Variants in GAREM2 observed in about 807,000 individuals in gnomAD.
GAREM2 encodes the protein GRB2 associated regulator of MAPK1 subtype 2.
A neutral mutation model predicts 55.6 loss-of-function variants in GAREM2; 30 were observed. The ratio of observed to expected loss-of-function variants is 0.54; its 90% CI spans 0.40 to 0.73. The LOEUF is 0.73. GAREM2 is among the 30% of genes least tolerant of loss of function. The pLI is 0.00. For missense variants in GAREM2, 1,075 were observed against 1,257.7 expected, an observed-to-expected ratio of 0.85 and a Z score of 2.20; for synonymous variants, 550 against 569.1, an observed-to-expected ratio of 0.97 and a Z score of 0.48.
the GAREM2 span, chr2:26,197,799 C>T: frequency 1.7e-6 from 2 of 1,198,358 alleles, no homozygotes; most frequent in South Asian, 1.2e-5. Context: ...AAGCATTTAA[C>T]AATGTGTCAG....
Position 26,188,103 on chromosome 2 carries a change from CAG to C in GAREM2, c.2474_2475del (p.Glu825GlyfsTer14), listed in dbSNP as rs1399545620. On this transcript the variant is annotated frameshift_variant, in exon 6 of 6. Coordinates refer to ENST00000401533, the MANE Select transcript of GAREM2 (RefSeq NM_001168241.2). LOFTEE classifies it high-confidence loss of function. ...CGCAGTCTGCGTTTCATCGGGCTCT[CAG>C]AGGATGTGGTGAGCTTCTTTGCCCG... The C allele has an allele frequency of 6.4e-7, 1 of 1,551,072 alleles. No individual in the cohort carries two copies. The highest frequency in any genetic ancestry group is 8.7e-7 in the Non-Finnish European group (1 of 1,146,610).
At chr2:26,177,679 A>G (rs1668905443) in intron 2 of GAREM2, among the ~76,000 whole-genome samples, 1 of 151,946 alleles carries the variant, frequency 6.6e-6, no homozygotes, top group Non-Finnish European at 1.5e-5. Context: ...TCTGTTGCTC[A>G]GGCTGGAGAG....
the GAREM2 span, chr2:26,204,278 A>T: frequency 8.2e-7 from 1 of 1,221,534 alleles, no homozygotes; most frequent in Non-Finnish European, 1.2e-6. Flanking sequence ...AAGTTATTCA[A>T]TAAACCAACT....
chr2:26,201,414 A>G, the GAREM2 span: 546 of 828,754 alleles, frequency 6.6e-4, 8 homozygotes, highest in South Asian at 5.3e-3. Flanking sequence ...TTTTTCACCA[A>G]CTCTGTGAGG....
chr2:26,190,973 G>A (rs1669478565), downstream of GAREM2: 1 of 544,148 alleles, frequency 1.8e-6, no homozygotes, highest in Non-Finnish European at 3.3e-6. Context: ...AGGCAGAGAG[G>A]TGGCTTCAGA....
intron 2 of GAREM2, among the ~76,000 whole-genome samples, chr2:26,177,322 C>T (rs1357490323): frequency 6.6e-6 from 1 of 152,154 alleles, no homozygotes; most frequent in Non-Finnish European, 1.5e-5. Flanking sequence ...AGAGACGTCC[C>T]CGTGTGAGCC....
Position 26,174,693 on chromosome 2 carries a change from A to G in GAREM2, c.112+1361A>G, listed in dbSNP as rs1023968232. Among the ~76,000 whole-genome samples, 9 of 152,324 alleles carry G rather than the reference A, an allele frequency of 5.9e-5. No homozygotes were observed. The East Asian group carries it at 1.3e-3, about 23-fold the overall frequency. On this transcript the variant is annotated intron_variant, in intron 1 of 5. Transcript: ENST00000401533. ...CTGTTGTGTGTGACAGTGTGTGGCTATGGCTGGGTCACCATCAGGGTGTGA... is the reference window on the plus strand; with the variant it reads ...CTGTTGTGTGTGACAGTGTGTGGCTGTGGCTGGGTCACCATCAGGGTGTGA...
At chr2:26,191,420 TGAA>T (rs1302856411), downstream of GAREM2, 3 of 1,614,164 alleles carry the variant, frequency 1.9e-6, no homozygotes, top group Non-Finnish European at 2.5e-6. Context: ...AGGACTTCGT[TGAA>T]GGAGACGCAA....
Position 26,186,532 on chromosome 2 carries a change from G to T in GAREM2, c.1598+174G>T, listed in dbSNP as rs533418270. Among the ~76,000 whole-genome samples the T allele has an allele frequency of 2.0e-4, 30 of 152,260 alleles. 1 individual carries two copies. The South Asian group carries it at 5.8e-3, about 29-fold the overall frequency. On this transcript the variant is annotated intron_variant, in intron 5 of 5. Coordinates refer to ENST00000401533, the MANE Select transcript of GAREM2 (RefSeq NM_001168241.2). ...TTGGCACTGCTGTCTGGGTGTCTTG[G>T]GGCCTGGGGCCCAGTGGCCTGTTCT...
the GAREM2 span, chr2:26,194,964 C>T: frequency 9.1e-6 from 8 of 882,832 alleles, no homozygotes; most frequent in East Asian, 7.2e-5. Flanking sequence ...ATCCTGGAGA[C>T]AACCCAGGGG....
chr2:26,173,784 G>A (rs1309334482), intron 1 of GAREM2, among the ~76,000 whole-genome samples: 1 of 152,182 alleles, frequency 6.6e-6, no homozygotes, highest in Non-Finnish European at 1.5e-5. Context: ...CCGCCCCTCT[G>A]GGGACCCTTC....
At chr2:26,196,633 A>G in the GAREM2 span, among the ~76,000 whole-genome samples, 1 of 152,098 alleles carries the variant, frequency 6.6e-6, no homozygotes, top group Non-Finnish European at 1.5e-5. Context: ...TGGTCACCCT[A>G]TTTTGTCTTT....
the GAREM2 span, chr2:26,201,315 T>A: frequency 6.2e-7 from 1 of 1,606,294 alleles, no homozygotes; most frequent in South Asian, 1.1e-5. Context: ...CACTTTGTCA[T>A]TCAATCTAGA....
Position 26,173,210 on chromosome 2 carries a change from G to A in GAREM2, c.-11G>A, listed in dbSNP as rs1397548560. The A allele has an allele frequency of 4.1e-6, 5 of 1,233,452 alleles. No homozygotes were observed. Among genetic ancestry groups the A allele is most frequent in the South Asian group, 2.4e-5 (1 of 41,998 alleles). The allele number at this position is 1,233,452 out of a possible 1,614,324, so 76.4% of individuals were successfully genotyped here. On this transcript the variant is annotated 5_prime_UTR_variant, in exon 1 of 6. Transcript: ENST00000401533. ...GGGGCCCCGGGACGGCGGCCCCGGG[G>A]CGCCCATGCCATGGAGAAGCTGGCG...
chr2:26,187,198 G>C, intron 5 of GAREM2, 33 bp from the exon 6 acceptor site: 1 of 1,434,182 alleles, frequency 7.0e-7, no homozygotes, highest in Non-Finnish European at 9.2e-7. Flanking sequence ...AGCCTCACCT[G>C]TCCTATGTGT....
chr2:26,195,905 A>C, the GAREM2 span, among the ~76,000 whole-genome samples: 1 of 152,168 alleles, frequency 6.6e-6, no homozygotes, highest in Non-Finnish European at 1.5e-5. Context: ...GATGCGTGCT[A>C]AGGTTTCAGA....
intron 1 of GAREM2, among the ~76,000 whole-genome samples, chr2:26,174,098 G>A (rs1402150091): frequency 6.6e-6 from 1 of 152,202 alleles, no homozygotes; most frequent in Non-Finnish European, 1.5e-5. Context: ...GCCAGGCCGG[G>A]GGTTTTGTGT....
Position 26,179,351 on chromosome 2 carries a change from A to G in GAREM2, c.253+2867A>G, listed in dbSNP as rs920322236. ...TTTACAGACGGGAAATCCGAAGCCCAGAGAGATTAAATAATTTGCCCAAGG... is the reference window on the plus strand; with the variant it reads ...TTTACAGACGGGAAATCCGAAGCCCGGAGAGATTAAATAATTTGCCCAAGG... On this transcript the variant is annotated intron_variant, in intron 2 of 5. Coordinates refer to ENST00000401533, the MANE Select transcript of GAREM2 (RefSeq NM_001168241.2). This position sits in a 1 kb window ranked among gnomAD's most constrained non-coding sequence, Gnocchi z 4.7. Among the ~76,000 whole-genome samples, 4 of 152,244 alleles carry G rather than the reference A, an allele frequency of 2.6e-5. No homozygotes were observed. Among genetic ancestry groups the G allele is most frequent in the African/African-American group, 9.6e-5 (4 of 41,462 alleles).
downstream of GAREM2, chr2:26,193,704 T>G (rs974621601): frequency 6.2e-7 from 1 of 1,613,960 alleles, no homozygotes; most frequent in African/African-American, 1.3e-5. Context: ...CATCCACCAG[T>G]GTGGCGGCAC....
Sources: gnomAD v4.1 joint callset for allele counts (sites outside exome capture counted in the v4.1 genomes callset) on GRCh38, gnomAD v4.1.1 for gene constraint, Gnocchi (gnomAD v3.1) non-coding constraint, MANE v1.5 for transcripts, NCBI Gene and HGNC (gene_info 2026-07-23, HGNC 2026-07-21) for gene names.